ALG13: variants seen among roughly 807,000 people sequenced by gnomAD.
ALG13 encodes ALG13 UDP-N-acetylglucosaminyltransferase subunit.
In ALG13, 11 loss-of-function variants were observed where a neutral mutation model predicts 87.8. That is an observed-to-expected ratio of 0.13 (90% CI 0.08 to 0.21). ALG13 has a LOEUF of 0.21. ALG13 is among the 10% of genes least tolerant of loss of function. The probability of loss-of-function intolerance (pLI) is 1.00; values close to 1 mark genes in which losing one functional copy is unlikely to be tolerated. For missense variants in ALG13, 756 were observed against 866.1 expected, an observed-to-expected ratio of 0.87 and a Z score of 1.60; for synonymous variants, 320 against 306.3, an observed-to-expected ratio of 1.04 and a Z score of -0.47.
chrX:111,735,187 T>C, intron 22 of ALG13, 65 bp downstream of exon 22: 1 of 705,640 alleles, frequency 1.4e-6, no homozygotes, highest in Non-Finnish European at 2.2e-6. Flanking sequence ...ATTTCCTCTT[T>C]TCATTTACCT....
chrX:111,709,801 G>T (rs1322295742), intron 5 of ALG13, among the ~76,000 whole-genome samples: 1 of 110,021 alleles, frequency 9.1e-6, no homozygotes, highest in Non-Finnish European at 1.9e-5. Context: ...TGGTTTCAGT[G>T]AATTTTAAAA....
chrX:111,717,541 CTTT>C (rs773345817), intron 8 of ALG13, among the ~76,000 whole-genome samples: 2 of 81,262 alleles, frequency 2.5e-5, no homozygotes, highest in Admixed American at 1.3e-4. Flanking sequence ...CTAAGTGTTC[CTTT>C]TTTTTTTTTT....
Position 111,723,815 on chromosome X carries a change from A to G in ALG13, c.1518A>G (p.Glu506=). 1 of 1,177,929 alleles carries G rather than the reference A, an allele frequency of 8.5e-7. No individual in the cohort carries two copies. Residue 506 remains glutamate (E), a synonymous_variant, in exon 14 of 27, where the codon GAA becomes GAG. Transcript: ENST00000394780. ...GDKCQVCLES[E]GRYYNAHIQE... ...CTTTTCAGGTTTGCTTGGAATCAGA[A>G]GGAAGATATTATAATGCTCATATCC...
chrX:111,719,957 A>G (rs764119524), intron 10 of ALG13, 138 bp from the exon 11 acceptor site: 3 of 429,587 alleles, frequency 7.0e-6, no homozygotes, highest in South Asian at 5.0e-5. Context: ...CATAAATGCA[A>G]ATGTTGGAAT....
chrX:111,686,979 C>T (rs1255977039), intron 3 of ALG13, among the ~76,000 whole-genome samples: 1 of 111,607 alleles, frequency 9.0e-6, no homozygotes, highest in Non-Finnish European at 1.9e-5. Flanking sequence ...TTTTTTGAGA[C>T]GGAGTTTCGC....
chrX:111,690,357 A>G (rs967761048), intron 3 of ALG13: 1 of 751,154 alleles, frequency 1.3e-6, no homozygotes, highest in Admixed American at 8.9e-5. Context: ...TGGATAGATT[A>G]AGAGGTAGAC....
chrX:111,738,187 G>T (rs1458532377), intron 23 of ALG13, among the ~76,000 whole-genome samples: 3 of 112,280 alleles, frequency 2.7e-5, no homozygotes, highest in African/African-American at 9.7e-5. Flanking sequence ...CACCTGAGGT[G>T]ATAGAACTCA....
chrX:111,704,710 G>A (rs1221786613), intron 3 of ALG13, among the ~76,000 whole-genome samples: 1 of 111,593 alleles, frequency 9.0e-6, no homozygotes, highest in African/African-American at 3.3e-5. Context: ...GACAGCTACA[G>A]GATGCAGAGT....
At chrX:111,758,996 C>G (rs1945511086) in intron 26 of ALG13, among the ~76,000 whole-genome samples, 1 of 110,437 alleles carries the variant, frequency 9.1e-6, no homozygotes, top group Non-Finnish European at 1.9e-5. Flanking sequence ...TTCTCTCTTC[C>G]TTTCCATTTT....
intron 5 of ALG13, among the ~76,000 whole-genome samples, chrX:111,710,167 A>G (rs1939495914): frequency 9.1e-6 from 1 of 109,446 alleles, no homozygotes; most frequent in African/African-American, 3.3e-5. Flanking sequence ...GTAACTTGGG[A>G]CTACAGGCAC....
chrX:111,723,199 T>C (rs1387659774), intron 13 of ALG13, among the ~76,000 whole-genome samples: 1 of 107,937 alleles, frequency 9.3e-6, no homozygotes, highest in African/African-American at 3.4e-5. Flanking sequence ...TCTCCCAGGC[T>C]CTGGAGTGCA....
intron 3 of ALG13, chrX:111,686,273 T>G: frequency 1.6e-5 from 6 of 370,023 alleles, no homozygotes; most frequent in Non-Finnish European, 2.1e-5. Context: ...TATATATATA[T>G]TTATTTACAT....
chrX:111,695,579 A>T (rs1936866400), intron 3 of ALG13, among the ~76,000 whole-genome samples: 1 of 111,312 alleles, frequency 9.0e-6, no homozygotes, highest in South Asian at 3.8e-4. Context: ...TATATTTTAA[A>T]GCAAAGTAAT....
rs1942109652 is a variant in ALG13 at position 111,726,881 on chromosome X, C to G, written c.1802C>G (p.Thr601Ser). Residue 601 changes from threonine (T) to serine (S), a missense_variant, in exon 16 of 27, where the codon ACT (threonine) becomes AGT (serine). This residue lies in a region of ALG13 where 362 missense variants were observed against 383.5 expected (regional missense o/e 0.94). Transcript: ENST00000394780. ...ATTCGAGGGAAAGAAGTTTACATGA[C>G]TATGGCTTACGGCAAGGGAGACCCC... ...KKIRGKEVYM[T>S]MAYGKGDPLL... 1 of 1,211,071 alleles carries G rather than the reference C, an allele frequency of 8.3e-7. No homozygotes were observed. Among genetic ancestry groups the G allele is most frequent in the Non-Finnish European group, 1.1e-6 (1 of 895,103 alleles).
chrX:111,708,553 T>C (rs1939177363), intron 4 of ALG13, among the ~76,000 whole-genome samples, 160 bp downstream of exon 4: 1 of 111,971 alleles, frequency 8.9e-6, no homozygotes, highest in Non-Finnish European at 1.9e-5. Context: ...CTTATTAGCT[T>C]GGTGCATGCC....
intron 3 of ALG13, chrX:111,690,355 T>G: frequency 1.3e-6 from 1 of 752,762 alleles, no homozygotes; most frequent in Non-Finnish European, 1.6e-6. Context: ...CATGGATAGA[T>G]TAAGAGGTAG....
chrX:111,717,771 A>G, intron 8 of ALG13, 75 bp from the exon 9 acceptor site: 1 of 719,934 alleles, frequency 1.4e-6, no homozygotes, highest in Non-Finnish European at 2.0e-6. Context: ...CTCAATTTCA[A>G]GTTAATTATC....
At chrX:111,727,543 G>A in intron 17 of ALG13, 71 bp from the exon 18 acceptor site, 2 of 1,110,768 alleles carry the variant, frequency 1.8e-6, no homozygotes, top group Non-Finnish European at 2.4e-6. Flanking sequence ...TATTTGAACT[G>A]TTATTTAGAA....
rs970685993 is a variant in ALG13 at position 111,760,153 on chromosome X, C to T, written c.*154C>T. Reference sequence around the variant, plus strand: ...TTTTATCTTTTGATTTAAAATAGTACTTTAAAATTAAGGGGTATTATTTTG... The same window carrying T: ...TTTTATCTTTTGATTTAAAATAGTATTTTAAAATTAAGGGGTATTATTTTG... On this transcript the variant is annotated 3_prime_UTR_variant, in exon 27 of 27. Coordinates refer to ENST00000394780, the MANE Select transcript of ALG13 (RefSeq NM_001099922.3). The T allele has an allele frequency of 1.5e-6, 1 of 658,616 alleles. No individual in the cohort carries two copies. The highest frequency in any genetic ancestry group is 2.2e-5 in the African/African-American group (1 of 44,532). 54.3% of individuals were successfully genotyped at this position (658,616 alleles called of 1,213,427 possible). A position where few individuals can be genotyped will look rare whatever the true frequency, so the allele number is the denominator to read the frequency against.
Sources: allele counts gnomAD v4.1 joint callset (sites outside exome capture counted in the v4.1 genomes callset), GRCh38; gene constraint gnomAD v4.1.1; regional missense constraint gnomAD v4.1.1; transcripts MANE v1.5; gene names NCBI Gene and HGNC (gene_info 2026-07-23, HGNC 2026-07-21).